The following POTEG variants were observed in gnomAD, a reference collection of about 807,000 sequenced individuals.
The protein encoded by POTEG is POTE ankyrin domain family member G, also known as ANKRD26-like family C member 2.
In POTEG, 2 loss-of-function variants were observed where a neutral mutation model predicts 49.6. The observed-to-expected ratio is 0.04, with a 90% CI of 0.02 to 0.13. POTEG has a LOEUF of 0.13. Ranked by LOEUF, POTEG falls within the 10% of genes least tolerant of loss-of-function variation. POTEG has a pLI of 1.00. For missense variants in POTEG, 26 were observed against 545.2 expected, an observed-to-expected ratio of 0.05 and a Z score of 9.48; for synonymous variants, 7 against 186.6, an observed-to-expected ratio of 0.04 and a Z score of 7.84.
At chr14:19,432,403 T>TATATATATATATATATAC (rs1330765784) in intron 1 of POTEG, among the ~76,000 whole-genome samples, 1 of 44,728 alleles carries the variant, frequency 2.2e-5, no homozygotes, top group African/African-American at 8.5e-5. Flanking sequence ...TATATATATA[T>TATATATATATATATATAC]ACACACACAT....
At chr14:19,420,898 C>CA (rs1162627934) in intron 6 of POTEG, 1 of 117,400 alleles carries the variant, frequency 8.5e-6, no homozygotes, top group African/African-American at 3.1e-5. Context: ...CATCTTGTTC[C>CA]AAAAAAGTCA....
chr14:19,426,203 T>C (rs1365013359), intron 3 of POTEG, among the ~76,000 whole-genome samples: 2 of 150,820 alleles, frequency 1.3e-5, no homozygotes, highest in African/African-American at 4.9e-5. Flanking sequence ...ACTGCCCATC[T>C]GAAAAAATTT....
At chr14:19,432,398 A>ATG (rs1884179989) in intron 1 of POTEG, among the ~76,000 whole-genome samples, 1 of 92,198 alleles carries the variant, frequency 1.1e-5, no homozygotes, top group African/African-American at 4.1e-5. Context: ...ATATATATAT[A>ATG]TATATACACA....
intron 6 of POTEG, among the ~76,000 whole-genome samples, chr14:19,417,133 TC>T (rs1883605393): frequency 6.6e-6 from 1 of 150,440 alleles, no homozygotes; most frequent in African/African-American, 2.4e-5. Flanking sequence ...TGTGAAGTCT[TC>T]CTTGATTCTG....
chr14:19,432,432 G>GTA (rs60251207), intron 1 of POTEG, among the ~76,000 whole-genome samples: 4,612 of 59,060 alleles, frequency 0.078, 31 homozygotes, highest in Non-Finnish European at 0.1. Flanking sequence ...ATGTATATAC[G>GTA]TATATATATA....
chr14:19,425,553 C>A (rs1883914702), intron 4 of POTEG, 53 bp downstream of exon 4: 1 of 678,464 alleles, frequency 1.5e-6, no homozygotes, highest in African/African-American at 1.9e-5. Context: ...ATATTTATGA[C>A]TTGAGTGACT....
At chr14:19,415,759 T>C in intron 7 of POTEG, among the ~76,000 whole-genome samples, 1 of 152,086 alleles carries the variant, frequency 6.6e-6, no homozygotes, top group Non-Finnish European at 1.5e-5. Flanking sequence ...AATATTAAAT[T>C]AGAATCTATT....
intron 1 of POTEG, among the ~76,000 whole-genome samples, chr14:19,432,455 TATAC>T (rs1397717532): frequency 1.7e-5 from 2 of 116,266 alleles, no homozygotes; most frequent in Non-Finnish European, 3.6e-5. Flanking sequence ...TACATATATA[TATAC>T]ATATATACAT....
chr14:19,416,235 A>C (rs1594274251), intron 7 of POTEG, 53 bp downstream of exon 7: 30 of 1,583,370 alleles, frequency 1.9e-5, no homozygotes, highest in South Asian at 4.8e-5. Context: ...AAGCAAAAAA[A>C]AAAAAACAAA....
At chr14:19,418,985 T>A in intron 6 of POTEG, among the ~76,000 whole-genome samples, 3 of 91,362 alleles carry the variant, frequency 3.3e-5, no homozygotes, top group African/African-American at 1.1e-4. Context: ...GCTAAACAAA[T>A]GAAAAAAGCA....
At position 19,425,446 on chromosome 14, in the gene POTEG, T is replaced by A. The variant is rs1223988588; in HGVS notation, c.917+160A>T. On this transcript the variant is annotated intron_variant, in intron 4 of 10. Coordinates refer to ENST00000547848, the MANE Select transcript of POTEG (RefSeq NM_001005356.3). ...AATAAAAGATGAATCCTACTAAAAC[T>A]TTTATGTTGCCCAGTCCAAATAATT... 2.9e-4 allele frequency among the ~76,000 whole-genome samples: 18 copies of A among 62,150 alleles called. 2 individuals carry two copies. Among genetic ancestry groups the A allele is most frequent in the African/African-American group, 6.8e-4 (16 of 23,636 alleles). 40.8% of individuals were successfully genotyped at this position (62,150 alleles called of 152,430 possible).
intron 7 of POTEG, 43 bp from the exon 8 acceptor site, chr14:19,414,649 C>G (rs1883478247): frequency 6.4e-7 from 1 of 1,571,072 alleles, no homozygotes; most frequent in South Asian, 1.2e-5. Flanking sequence ...TGTTGTATTT[C>G]TGTGATGTCT....
At position 19,415,336 on chromosome 14, in the gene POTEG, G is replaced by A. The variant is rs1227661308; in HGVS notation, c.1198-730C>T. ...TAACACCAAAGGTCCCATTCTGCAA[G>A]ATATGATTCCTTTAATAGGCAGTTG... On this transcript the variant is annotated intron_variant, in intron 7 of 10. Coordinates refer to ENST00000547848, the MANE Select transcript of POTEG (RefSeq NM_001005356.3). 1.4e-5 allele frequency among the ~76,000 whole-genome samples: 2 copies of A among 143,672 alleles called. 1 individual carries two copies. Among genetic ancestry groups the A allele is most frequent in the Non-Finnish European group, 3.1e-5 (2 of 63,800 alleles). The allele number at this position is 143,672 out of a possible 152,430, so 94.3% of individuals were successfully genotyped here.
At position 19,414,740 on chromosome 14, in the gene POTEG, A is replaced by C. The variant is rs1423565402; in HGVS notation, c.1198-134T>G. ...GACAATAAAAATTAGAAAATAATTA[A>C]AATTAAACTTAAAAAAATAAATAAT... is the stretch of plus-strand genomic sequence containing the variant. On this transcript the variant is annotated intron_variant, in intron 7 of 10. Transcript: ENST00000547848. 4.4e-6 allele frequency: 5 copies of C among 1,143,980 alleles called. No individual in the cohort carries two copies. The East Asian group carries it at 1.0e-4, about 24-fold the overall frequency. 70.9% of individuals were successfully genotyped at this position (1,143,980 alleles called of 1,614,324 possible). A position where few individuals can be genotyped will look rare whatever the true frequency, so the allele number is the denominator to read the frequency against.
At chr14:19,415,844 T>C (rs1594273842) in intron 7 of POTEG, among the ~76,000 whole-genome samples, 11 of 138,966 alleles carry the variant, frequency 7.9e-5, no homozygotes, top group East Asian at 4.2e-4. Flanking sequence ...TTTTTTTTTT[T>C]TTTTTTTTTT....
chr14:19,430,666 G>A (rs1326928008), intron 1 of POTEG, among the ~76,000 whole-genome samples: 2 of 124,190 alleles, frequency 1.6e-5, no homozygotes, highest in South Asian at 4.8e-4. Flanking sequence ...TAGGCGTCTG[G>A]CTTATGTCTG....
At chr14:19,415,771 A>T (rs1292213993) in intron 7 of POTEG, among the ~76,000 whole-genome samples, 1 of 151,502 alleles carries the variant, frequency 6.6e-6, no homozygotes, top group East Asian at 1.9e-4. Context: ...GAATCTATTG[A>T]TTCTTCTTTT....
At chr14:19,415,661 C>T (rs1382996681) in intron 7 of POTEG, among the ~76,000 whole-genome samples, 3 of 151,052 alleles carry the variant, frequency 2.0e-5, no homozygotes, top group African/African-American at 7.3e-5. Flanking sequence ...GAAAGATTAG[C>T]TATAAGCTAA....
intron 6 of POTEG, among the ~76,000 whole-genome samples, chr14:19,418,972 T>A (rs1594275539): frequency 6.0e-5 from 5 of 83,386 alleles, no homozygotes; most frequent in African/African-American, 1.7e-4. Context: ...GGAAAAAAAT[T>A]AAGCTAAACA....
Sources: allele counts gnomAD v4.1 joint callset (sites outside exome capture counted in the v4.1 genomes callset), GRCh38; gene constraint gnomAD v4.1.1; transcripts MANE v1.5; gene names NCBI Gene and HGNC (gene_info 2026-07-23, HGNC 2026-07-21).